The following ZNF532 variants were observed in gnomAD, a reference collection of about 807,000 sequenced individuals.
ZNF532 encodes the protein zinc finger protein 532.
ZNF532 carries 22 observed loss-of-function variants against 89.3 expected under a neutral mutation model. That is an observed-to-expected ratio of 0.25 (90% CI 0.18 to 0.35). The LOEUF (loss-of-function observed/expected upper bound fraction) is 0.35. ZNF532 is among the 10% of genes least tolerant of loss of function. ZNF532 has a pLI of 1.00. For synonymous variants in ZNF532, 606 were observed against 649.6 expected, an observed-to-expected ratio of 0.93 and a Z score of 1.02; for missense variants, 1,132 against 1,643.4, an observed-to-expected ratio of 0.69 and a Z score of 5.38.
chr18:58,872,793 G>A (rs964603077), intron 2 of ZNF532, among the ~76,000 whole-genome samples: 2 of 150,474 alleles, frequency 1.3e-5, no homozygotes, highest in Admixed American at 6.7e-5. Context: ...TCCGCCTTCC[G>A]GGTTCAAGCG....
At chr18:58,978,787 T>C (rs1167077806) in intron 7 of ZNF532, among the ~76,000 whole-genome samples, 1 of 152,190 alleles carries the variant, frequency 6.6e-6, no homozygotes, top group Admixed American at 6.5e-5. Context: ...AATTGTGATA[T>C]TTATTCTTGT....
chr18:58,969,909 G>A (rs374104772), intron 7 of ZNF532, among the ~76,000 whole-genome samples: 1 of 132,240 alleles, frequency 7.6e-6, no homozygotes, highest in African/African-American at 2.9e-5. Context: ...CCCCGAGATG[G>A]AGTCTCGTTT....
chr18:58,888,824 T>TAATTTATATATATAATTTATATATATAAA (rs1568247381), intron 2 of ZNF532, among the ~76,000 whole-genome samples: 10 of 52,044 alleles, frequency 1.9e-4, no homozygotes, highest in African/African-American at 1.1e-3. Context: ...ATTATATATA[T>TAATTTATATATATAATTTATATATATAAA]AAATTATATA....
intron 2 of ZNF532, among the ~76,000 whole-genome samples, chr18:58,891,141 G>A (rs756438075): frequency 6.6e-6 from 1 of 152,114 alleles, no homozygotes. Flanking sequence ...GGATGGTCTC[G>A]ATCCCTTGAT....
chr18:58,917,504 G>C lies in ZNF532; in HGVS notation c.-17-767G>C, dbSNP rs113040856. Among the ~76,000 whole-genome samples, 1,094 of 152,258 alleles carry C rather than the reference G, an allele frequency of 7.2e-3. 11 individuals are homozygous for C. Among genetic ancestry groups the C allele is most frequent in the African/African-American group, 0.025 (1,029 of 41,552 alleles). On this transcript the variant is annotated intron_variant, in intron 2 of 9. Coordinates refer to ENST00000591808, the MANE Select transcript of ZNF532 (RefSeq NM_001375912.1). Reference sequence around the variant, plus strand: ...CTCCCCTGACAATCACTTGTCCTCTGCGGGTCGGGGGAAGAGCCCCTTTTA... The same window carrying C: ...CTCCCCTGACAATCACTTGTCCTCTCCGGGTCGGGGGAAGAGCCCCTTTTA...
At chr18:58,967,276 G>A (rs961560986) in intron 7 of ZNF532, among the ~76,000 whole-genome samples, 2 of 152,144 alleles carry the variant, frequency 1.3e-5, no homozygotes, top group Non-Finnish European at 2.9e-5. Flanking sequence ...ACAGCTGCCA[G>A]AGCATCTCTT....
intron 3 of ZNF532, 80 bp from the exon 4 acceptor site, chr18:58,934,353 C>T: frequency 2.3e-6 from 3 of 1,287,622 alleles, no homozygotes; most frequent in Non-Finnish European, 3.3e-6. Context: ...GTATAATTAT[C>T]TGGAGGTTTA....
intron 2 of ZNF532, among the ~76,000 whole-genome samples, chr18:58,916,241 G>A (rs2060591634): frequency 6.6e-6 from 1 of 152,196 alleles, no homozygotes; most frequent in Non-Finnish European, 1.5e-5. Context: ...GTGACATTCA[G>A]GGATTATTTG....
At position 58,939,640 on chromosome 18, in the gene ZNF532, C is replaced by T. The variant is rs750414638; in HGVS notation, c.2705+19C>T. 6.2e-7 allele frequency: 1 copy of T among 1,603,100 alleles called. No homozygotes were observed. Among genetic ancestry groups the T allele is most frequent in the East Asian group, 2.2e-5 (1 of 44,740 alleles). On this transcript the variant is annotated intron_variant, in intron 5 of 9. Coordinates refer to ENST00000591808, the MANE Select transcript of ZNF532 (RefSeq NM_001375912.1). ...AACCAAAGTAAGTCATACCGACTTT[C>T]AAGTTTTACTCCACTGCTTTATTAG...
intron 3 of ZNF532, among the ~76,000 whole-genome samples, chr18:58,929,014 T>G (rs2061742460): frequency 6.6e-6 from 1 of 152,238 alleles, no homozygotes; most frequent in Admixed American, 6.5e-5. Context: ...TTTCTTCTTG[T>G]GGCATTTATA....
chr18:58,959,277 TTTGG>T (rs1389175593), intron 7 of ZNF532, among the ~76,000 whole-genome samples: 1 of 150,592 alleles, frequency 6.6e-6, no homozygotes, highest in Admixed American at 6.6e-5. Flanking sequence ...TTTGTTTTTT[TTTGG>T]TTTTTTTTTT....
At chr18:58,865,938 G>A (rs1479128754) in intron 2 of ZNF532, among the ~76,000 whole-genome samples, 1 of 152,294 alleles carries the variant, frequency 6.6e-6, no homozygotes, top group Middle Eastern at 3.4e-3. Flanking sequence ...AAAAGGAAGG[G>A]CTTCACCAAA....
intron 2 of ZNF532, among the ~76,000 whole-genome samples, chr18:58,883,735 C>T (rs1171458848): frequency 1.3e-5 from 2 of 151,790 alleles, no homozygotes; most frequent in East Asian, 1.9e-4. Context: ...GGATGTTTAG[C>T]AGCATCCTTG....
At chr18:58,934,120 T>C (rs541826370) in intron 3 of ZNF532, 1 of 231,014 alleles carries the variant, frequency 4.3e-6, no homozygotes, top group South Asian at 1.4e-4. Context: ...TTTGCTCACA[T>C]AAATTTGTAA....
At chr18:58,889,635 A>G (rs1297788562) in intron 2 of ZNF532, among the ~76,000 whole-genome samples, 3 of 151,742 alleles carry the variant, frequency 2.0e-5, no homozygotes, top group Non-Finnish European at 2.9e-5. Flanking sequence ...CCCCCTCTCT[A>G]CTAAAAATAC....
chr18:58,951,356 A>G (rs1343930012), intron 6 of ZNF532, among the ~76,000 whole-genome samples: 1 of 152,198 alleles, frequency 6.6e-6, no homozygotes, highest in African/African-American at 2.4e-5. Context: ...GAATATTTTA[A>G]TATTTTATCC....
At chr18:58,973,390 CTG>C (rs923321408) in intron 7 of ZNF532, among the ~76,000 whole-genome samples, 1 of 152,268 alleles carries the variant, frequency 6.6e-6, no homozygotes, top group Non-Finnish European at 1.5e-5. Flanking sequence ...GCGTGAGCCA[CTG>C]TGCCTGGCCA....
chr18:58,897,043 T>C (rs1433344240), intron 2 of ZNF532, among the ~76,000 whole-genome samples: 5 of 152,186 alleles, frequency 3.3e-5, no homozygotes, highest in East Asian at 3.8e-4. Context: ...TTTTCTCTTC[T>C]CTTTCTGTTT....
intron 2 of ZNF532, among the ~76,000 whole-genome samples, chr18:58,906,779 G>C (rs900679649): frequency 1.3e-5 from 2 of 152,134 alleles, no homozygotes; most frequent in Admixed American, 1.3e-4. Flanking sequence ...AGAGAAATTG[G>C]CTGCTTCTTT....
Sources: gnomAD v4.1 joint callset for allele counts (sites outside exome capture counted in the v4.1 genomes callset) on GRCh38, gnomAD v4.1.1 for gene constraint, MANE v1.5 for transcripts, NCBI Gene and HGNC (gene_info 2026-07-23, HGNC 2026-07-21) for gene names.